CSN2: variants seen among roughly 807,000 people sequenced by gnomAD.
CSN2 encodes beta-casein.
Under a neutral mutation model 27.3 loss-of-function variants are expected in CSN2, and 27 were observed. The observed-to-expected ratio is 0.99, with a 90% confidence interval of 0.73 to 1.36. The LOEUF (loss-of-function observed/expected upper bound fraction) is 1.36, where lower values mean the gene tolerates loss of function less well. CSN2 is among the 40% of genes most tolerant of loss of function. The pLI, the probability that CSN2 is intolerant of heterozygous loss-of-function variation, is 0.00. For synonymous variants in CSN2, 131 were observed against 94.8 expected, an observed-to-expected ratio of 1.38 and a Z score of -2.22; for missense variants, 333 against 264.5, an observed-to-expected ratio of 1.26 and a Z score of -1.80.
chr4:69,960,912 T>A, intron 2 of CSN2, 33 bp downstream of exon 2: 2 of 1,590,810 alleles, frequency 1.3e-6, no homozygotes, highest in Non-Finnish European at 1.7e-6. Context: ...CACTATTTAT[T>A]GATTGTTTAG....
intron 2 of CSN2, among the ~76,000 whole-genome samples, chr4:69,960,533 C>T (rs1723540367): frequency 6.6e-6 from 1 of 151,282 alleles, no homozygotes; most frequent in Admixed American, 6.6e-5. Context: ...TACTTCATCC[C>T]ATGGATGTCT....
rs188411973 is a variant in CSN2 at position 69,962,012 on chromosome 4, A to C, written c.-12-1005T>G. Reference sequence around the variant, plus strand: ...CTTCAAAGAGAATAAAATCCCTAGGAATCCAACTTACAAGGGATGAGAAGG... The same window carrying C: ...CTTCAAAGAGAATAAAATCCCTAGGCATCCAACTTACAAGGGATGAGAAGG... On this transcript the variant is annotated intron_variant, in intron 1 of 7. Transcript: ENST00000353151. 1.6e-4 allele frequency among the ~76,000 whole-genome samples: 24 copies of C among 152,316 alleles called. No homozygotes were observed. In the East Asian group the frequency reaches 4.6e-3, roughly 29 times the overall value.
At chr4:69,962,647 G>A (rs1198966027) in intron 1 of CSN2, among the ~76,000 whole-genome samples, 1 of 152,090 alleles carries the variant, frequency 6.6e-6, no homozygotes, top group Admixed American at 6.6e-5. Flanking sequence ...AGAAAACCTA[G>A]GCAATACCAT....
chr4:69,957,927 T>C (rs769471867), intron 5 of CSN2, 123 bp from the exon 6 acceptor site: 38 of 955,692 alleles, frequency 4.0e-5, no homozygotes, highest in Non-Finnish European at 5.7e-5. Context: ...AATATTTCAC[T>C]TATTTTGGTT....
At chr4:69,962,290 A>G (rs1250328929) in intron 1 of CSN2, among the ~76,000 whole-genome samples, 1 of 152,214 alleles carries the variant, frequency 6.6e-6, no homozygotes, top group Non-Finnish European at 1.5e-5. Context: ...ATCCTAAGCC[A>G]AAAGAACAAA....
intron 3 of CSN2, among the ~76,000 whole-genome samples, chr4:69,959,408 A>C (rs1026683068): frequency 6.6e-6 from 1 of 152,150 alleles, no homozygotes; most frequent in Non-Finnish European, 1.5e-5. Context: ...CAATTGATAC[A>C]TTATGATCAC....
chr4:69,956,550 C>T (rs1277485715), intron 6 of CSN2, among the ~76,000 whole-genome samples, 195 bp from the exon 7 acceptor site: 4 of 151,736 alleles, frequency 2.6e-5, no homozygotes, highest in African/African-American at 7.3e-5. Context: ...AGTAAGAAAA[C>T]TTGCCTTAAG....
intron 5 of CSN2, 52 bp from the exon 6 acceptor site, chr4:69,957,856 A>T (rs756289578): frequency 7.8e-6 from 11 of 1,415,836 alleles, no homozygotes; most frequent in Non-Finnish European, 9.7e-6. Flanking sequence ...TATAATTGCC[A>T]TTCATAATGA....
intron 3 of CSN2, 66 bp from the exon 4 acceptor site, chr4:69,959,135 G>T: frequency 2.8e-6 from 3 of 1,088,550 alleles, no homozygotes; most frequent in African/African-American, 1.6e-5. Context: ...ATATAAATCA[G>T]GAAATAAAGG....
intron 6 of CSN2, among the ~76,000 whole-genome samples, chr4:69,957,019 G>A (rs1357424946): frequency 1.3e-5 from 2 of 151,940 alleles, no homozygotes; most frequent in Admixed American, 6.6e-5. Context: ...GGGGGTAGGG[G>A]GTAGGGATAG....
chr4:69,964,060 C>T (rs1209136363), intron 1 of CSN2, among the ~76,000 whole-genome samples: 1 of 152,130 alleles, frequency 6.6e-6, no homozygotes, highest in Non-Finnish European at 1.5e-5. Flanking sequence ...TTATTTGTGT[C>T]ACTATCCAGA....
intron 1 of CSN2, among the ~76,000 whole-genome samples, chr4:69,965,125 G>A (rs1404376714): frequency 1.3e-5 from 2 of 150,540 alleles, no homozygotes; most frequent in African/African-American, 4.9e-5. Flanking sequence ...AATAAACTGG[G>A]AAGTTTGAGG....
chr4:69,961,111 A>C, intron 1 of CSN2, 104 bp from the exon 2 acceptor site: 1 of 652,446 alleles, frequency 1.5e-6, no homozygotes, highest in East Asian at 2.8e-5. Context: ...AAGAGAGATA[A>C]TATATAACAA....
In CSN2 at chr4:69,957,473, T is replaced by C. The variant is rs761231909; in HGVS notation, c.476A>G (p.Gln159Arg). The change falls in exon 6 of 8, where the codon CAG becomes CGG. Residue 159 changes from glutamine (Q) to arginine (R), a missense_variant. Physicochemically the swap from Gln to Arg is conservative, Grantham distance 43. Coordinates refer to ENST00000353151, the MANE Select transcript of CSN2 (RefSeq NM_001891.4). ...GGGCTGAGGGGGAAGTGCAAGAGTCTGAGGAATAGGCTGAGGGACCTGCTG... is the reference window on the plus strand; with the variant it reads ...GGGCTGAGGGGGAAGTGCAAGAGTCCGAGGAATAGGCTGAGGGACCTGCTG... Reference protein sequence around the residue: ...LMQQVPQPIPQTLALPPQPLW... With the variant: ...LMQQVPQPIPRTLALPPQPLW... The C allele has an allele frequency of 6.2e-7, 1 of 1,613,702 alleles. No individual in the cohort carries two copies. The highest frequency in any genetic ancestry group is 8.5e-7 in the Non-Finnish European group (1 of 1,179,930).
chr4:69,956,836 C>CA (rs963499798), intron 6 of CSN2, among the ~76,000 whole-genome samples: 8 of 152,050 alleles, frequency 5.3e-5, no homozygotes, highest in African/African-American at 1.4e-4. Context: ...TTCCTCTACA[C>CA]AAAAAACTAG....
chr4:69,957,356 A>G lies in CSN2; in HGVS notation c.593T>C (p.Leu198Pro). Reference sequence around the variant, plus strand: ...GGGGTTAAGTAGAAGTTCTTGGTTGAGCAGAAGGGCTTGAACAGGCACAGC... The same window carrying G: ...GGGGTTAAGTAGAAGTTCTTGGTTGGGCAGAAGGGCTTGAACAGGCACAGC... ...QRAVPVQALLLNQELLLNPTH... is the reference protein window; with the variant it reads ...QRAVPVQALLPNQELLLNPTH... Residue 198 changes from leucine (L) to proline (P), a missense_variant, in exon 6 of 8, where the codon CTC becomes CCC. Leu to Pro is a moderately conservative substitution (Grantham distance 98). Coordinates refer to ENST00000353151, the MANE Select transcript of CSN2 (RefSeq NM_001891.4). The G allele has an allele frequency of 6.2e-7, 1 of 1,612,954 alleles. No individual in the cohort carries two copies. The highest frequency in any genetic ancestry group is 1.1e-5 in the South Asian group (1 of 90,922).
At position 69,960,937 on chromosome 4, in the gene CSN2, G is replaced by T. The variant is rs1350416211; in HGVS notation, c.51+8C>A. 2.1e-5 allele frequency: 34 copies of T among 1,612,008 alleles called. No homozygotes were observed. Among genetic ancestry groups the T allele is most frequent in the Non-Finnish European group, 2.8e-5 (33 of 1,178,576 alleles). ...TGATTGTTTAGGAATTTTTTCTTGTGCACATACCTCCCTTGCAAGAGCAAG... is the reference window on the plus strand; with the variant it reads ...TGATTGTTTAGGAATTTTTTCTTGTTCACATACCTCCCTTGCAAGAGCAAG... On this transcript the variant is annotated splice_region_variant and intron_variant, in intron 2 of 7. Coordinates refer to ENST00000353151, the MANE Select transcript of CSN2 (RefSeq NM_001891.4).
intron 1 of CSN2, among the ~76,000 whole-genome samples, chr4:69,962,605 C>A (rs553703007): frequency 1.0e-3 from 158 of 152,168 alleles, no homozygotes; most frequent in African/African-American, 3.7e-3. Context: ...TAAAGACTTA[C>A]ATGTCAGACC....
chr4:69,965,442 AT>A (rs1723773975), intron 1 of CSN2, among the ~76,000 whole-genome samples: 1 of 136,076 alleles, frequency 7.3e-6, no homozygotes, highest in African/African-American at 2.7e-5. Flanking sequence ...ATATATATAT[AT>A]ATGCATAAAA....
Sources: allele counts gnomAD v4.1 joint callset (sites outside exome capture counted in the v4.1 genomes callset), GRCh38; gene constraint gnomAD v4.1.1; transcripts MANE v1.5; gene names NCBI Gene and HGNC (gene_info 2026-07-23, HGNC 2026-07-21).